IGSF3: variants seen among roughly 807,000 people sequenced by gnomAD.
IGSF3 encodes the protein glu-Trp-Ile EWI motif-containing protein 3.
A neutral mutation model predicts 114.4 loss-of-function variants in IGSF3; 23 were observed. That is an observed-to-expected ratio of 0.20 (90% CI 0.14 to 0.28). The LOEUF is 0.28. IGSF3 is among the 10% of genes least tolerant of loss of function. The probability of loss-of-function intolerance (pLI) is 1.00; values close to 1 mark genes in which losing one functional copy is unlikely to be tolerated. For missense variants in IGSF3, 1,172 were observed against 1,591.5 expected (o/e 0.74, Z 4.48); for synonymous variants, 571 against 645.2 (o/e 0.88, Z 1.74).
chr1:116,640,053 A>G lies in IGSF3; in HGVS notation c.44-23596T>C, dbSNP rs568926937. ...ACTCTATCTCAAAAAAAAAAAAAAA[A>G]AAAAGAAAGAAAGAAAGAAAGGAAG... is the stretch of plus-strand genomic sequence containing the variant. On this transcript the variant is annotated intron_variant, in intron 2 of 10. Transcript: ENST00000369486. Among the ~76,000 whole-genome samples the G allele has an allele frequency of 5.9e-3, 894 of 151,084 alleles. 12 individuals are homozygous for G. The highest frequency in any genetic ancestry group is 0.021 in the African/African-American group (841 of 40,794).
In IGSF3 at chr1:116,651,312, A is replaced by T. The variant is rs199539569; in HGVS notation, c.43+14972T>A. On this transcript the variant is annotated intron_variant, in intron 2 of 10. Transcript: ENST00000369486. The surrounding 1 kb of genome is among the most constrained non-coding windows in gnomAD (Gnocchi z 4.4). ...CTGCCTTCCATCTTAGCTTTCCAGCATACTCTTCCCAGGTTCTTTGGGCTA... is the reference window on the plus strand; with the variant it reads ...CTGCCTTCCATCTTAGCTTTCCAGCTTACTCTTCCCAGGTTCTTTGGGCTA... Among the ~76,000 whole-genome samples, 1 of 152,196 alleles carries T rather than the reference A, an allele frequency of 6.6e-6. No individual in the cohort carries two copies.
chr1:116,588,003 G>C lies in IGSF3; in HGVS notation c.2440+691C>G, dbSNP rs935998713. On this transcript the variant is annotated intron_variant, in intron 8 of 10. Transcript: ENST00000369486. This position sits in a 1 kb window ranked among gnomAD's most constrained non-coding sequence, Gnocchi z 4.9. ...CATGTATTTGAAAGGAAATGACGCA[G>C]ACTTCTCTTTGGTTGTTCCAGGGGC... Among the ~76,000 whole-genome samples, 2 of 152,236 alleles carry C rather than the reference G, an allele frequency of 1.3e-5. No individual in the cohort carries two copies. The highest frequency in any genetic ancestry group is 6.5e-5 in the Admixed American group (1 of 15,286).
intron 5 of IGSF3, among the ~76,000 whole-genome samples, chr1:116,604,485 T>C (rs1467544678): frequency 1.9e-4 from 29 of 152,216 alleles, no homozygotes; most frequent in Admixed American, 1.9e-3. Flanking sequence ...ATATCCATAA[T>C]GTGCCATTTG....
At chr1:116,645,379 C>G (rs928915974) in intron 2 of IGSF3, among the ~76,000 whole-genome samples, 44 of 152,190 alleles carry the variant, frequency 2.9e-4, no homozygotes, top group African/African-American at 1.0e-3. Context: ...AGCAAGAAGG[C>G]ACAAGGGAAC....
intron 4 of IGSF3, among the ~76,000 whole-genome samples, chr1:116,613,428 C>T (rs766935838): frequency 2.0e-5 from 3 of 152,076 alleles, no homozygotes; most frequent in Non-Finnish European, 4.4e-5. Flanking sequence ...GGAATGAAAG[C>T]CCAGACTTTT....
chr1:116,641,012 T>G (rs573899916), intron 2 of IGSF3, among the ~76,000 whole-genome samples: 4 of 152,344 alleles, frequency 2.6e-5, no homozygotes, highest in Admixed American at 2.0e-4. Context: ...ACAAGAGTTT[T>G]CATTAACACG....
chr1:116,621,969 A>G (rs12750589), intron 2 of IGSF3, among the ~76,000 whole-genome samples: 67,873 of 152,038 alleles, frequency 0.45, 16,468 homozygotes, highest in East Asian at 0.8. Flanking sequence ...GGAGTTAGTG[A>G]GCAGGGAGGG....
chr1:116,580,033 T>C (rs1296324810), intron 9 of IGSF3, among the ~76,000 whole-genome samples, 156 bp from the exon 10 acceptor site: 1 of 152,216 alleles, frequency 6.6e-6, no homozygotes, highest in Non-Finnish European at 1.5e-5. Flanking sequence ...CAGGTGGAAG[T>C]TGATCCAAGA....
Position 116,588,992 on chromosome 1 carries a change from C to G in IGSF3, c.2142G>C (p.Ala714=). 4.3e-6 allele frequency: 7 copies of G among 1,614,188 alleles called. No homozygotes were observed. The highest frequency in any genetic ancestry group is 5.9e-6 in the Non-Finnish European group (7 of 1,180,042). ...AGGGCTTGTGGACATACCAGAGCAC[C>G]GCAAAGTGGGAGTTCTGGCTAGTCT... is the stretch of plus-strand genomic sequence containing the variant. ...KSQTSQNSHF[A]VLWYVHKPSD... is the part of the protein sequence containing the mutation. The change falls in exon 8 of 11, where the codon GCG becomes GCC. Residue 714 remains alanine, a synonymous_variant. Transcript: ENST00000369486. This position sits in a 1 kb window ranked among gnomAD's most constrained non-coding sequence, Gnocchi z 4.9.
intron 2 of IGSF3, among the ~76,000 whole-genome samples, chr1:116,621,286 C>T (rs1661408163): frequency 6.6e-6 from 1 of 152,114 alleles, no homozygotes; most frequent in Admixed American, 6.6e-5. Context: ...GACAATTAAA[C>T]CTCTTTTCTT....
At chr1:116,606,282 T>C (rs1311788925) in intron 5 of IGSF3, among the ~76,000 whole-genome samples, 4 of 152,232 alleles carry the variant, frequency 2.6e-5, no homozygotes, top group Non-Finnish European at 5.9e-5. Flanking sequence ...AACTGAACAA[T>C]CAGCTCTGTC....
rs114774492 is a variant in IGSF3 at position 116,652,569 on chromosome 1, C to G, written c.43+13715G>C. Among the ~76,000 whole-genome samples the G allele has an allele frequency of 3.3e-3, 509 of 152,256 alleles. 3 individuals are homozygous for G. Among genetic ancestry groups the G allele is most frequent in the African/African-American group, 0.012 (490 of 41,532 alleles). On this transcript the variant is annotated intron_variant, in intron 2 of 10. Transcript: ENST00000369486. Reference sequence around the variant, plus strand: ...GACACCTTGGTAGCAGGAACCTGGGCTAACATCAGGAGGTAGGTAGAAATA... The same window carrying G: ...GACACCTTGGTAGCAGGAACCTGGGGTAACATCAGGAGGTAGGTAGAAATA...
At chr1:116,580,270 AC>A (rs1001819004) in intron 9 of IGSF3, among the ~76,000 whole-genome samples, 1 of 152,172 alleles carries the variant, frequency 6.6e-6, no homozygotes, top group Non-Finnish European at 1.5e-5. Flanking sequence ...ATGCATGTCC[AC>A]CTGGAACCTC....
chr1:116,579,636 C>A lies in IGSF3; in HGVS notation c.3090G>T (p.Arg1030=), dbSNP rs575793404. Residue 1030 remains arginine (R), a synonymous_variant, in exon 10 of 11, where the codon CGG becomes CGT. Transcript: ENST00000369486. The surrounding 1 kb of genome is among the most constrained non-coding windows in gnomAD (Gnocchi z 6.4). ...CTGGGCCCACGCTCAGCAGGGCCGTCCGCTCTGTTGGGTCGTCGTCGTCGT... is the reference window on the plus strand; with the variant it reads ...CTGGGCCCACGCTCAGCAGGGCCGTACGCTCTGTTGGGTCGTCGTCGTCGT... The part of the protein sequence containing the change: ...DDDDDDDPTE[R]TALLSVGPDA... 26 of 1,613,468 alleles carry A rather than the reference C, an allele frequency of 1.6e-5. No individual in the cohort carries two copies. In the East Asian group the frequency reaches 5.8e-4, roughly 36 times the overall value.
At chr1:116,621,488 C>A (rs1468734299) in intron 2 of IGSF3, among the ~76,000 whole-genome samples, 1 of 152,178 alleles carries the variant, frequency 6.6e-6, no homozygotes, top group Non-Finnish European at 1.5e-5. Flanking sequence ...ATCTTGACTG[C>A]AACCTCCTGG....
In IGSF3 at chr1:116,651,397, A is replaced by C. The variant is rs1469059452; in HGVS notation, c.43+14887T>G. ...CCACCTGAGGCTGGGAAATGTACCA[A>C]GAACTGCATAGAAAATATACTGGAC... On this transcript the variant is annotated intron_variant, in intron 2 of 10. Coordinates refer to ENST00000369486, the MANE Select transcript of IGSF3 (RefSeq NM_001007237.3). The surrounding 1 kb of genome is among the most constrained non-coding windows in gnomAD (Gnocchi z 4.4). 6.6e-6 allele frequency among the ~76,000 whole-genome samples: 1 copy of C among 152,238 alleles called. No individual in the cohort carries two copies. The highest frequency in any genetic ancestry group is 2.4e-5 in the African/African-American group (1 of 41,460).
At chr1:116,653,114 G>T (rs1234559580) in intron 2 of IGSF3, among the ~76,000 whole-genome samples, 2 of 152,204 alleles carry the variant, frequency 1.3e-5, no homozygotes, top group African/African-American at 4.8e-5. Flanking sequence ...ATGCAGGCAG[G>T]ATGATCATGG....
intron 8 of IGSF3, among the ~76,000 whole-genome samples, chr1:116,586,039 C>T (rs1223066555): frequency 6.6e-6 from 1 of 152,118 alleles, no homozygotes; most frequent in Non-Finnish European, 1.5e-5. Context: ...CACAAGGGCC[C>T]AAATGAGTCT....
intron 2 of IGSF3, among the ~76,000 whole-genome samples, chr1:116,663,864 CA>C (rs1649221949): frequency 6.6e-6 from 1 of 152,164 alleles, no homozygotes; most frequent in Non-Finnish European, 1.5e-5. Flanking sequence ...CTTTTTTAAA[CA>C]AAATTTTATT....
Sources: allele counts gnomAD v4.1 joint callset (sites outside exome capture counted in the v4.1 genomes callset), GRCh38; gene constraint gnomAD v4.1.1; non-coding constraint Gnocchi (gnomAD v3.1); transcripts MANE v1.5; gene names NCBI Gene and HGNC (gene_info 2026-07-23, HGNC 2026-07-21).